KIF3B: variants seen among roughly 807,000 people sequenced by gnomAD.
The protein encoded by KIF3B is kinesin-like protein KIF3B.
KIF3B carries 38 observed loss-of-function variants against 74.3 expected under a neutral mutation model. That is an observed-to-expected ratio of 0.51 (90% confidence interval 0.39 to 0.67). The LOEUF (loss-of-function observed/expected upper bound fraction) is 0.67. Ranked by LOEUF, KIF3B falls within the 30% of genes least tolerant of loss-of-function variation. KIF3B has a pLI of 0.00. For missense variants in KIF3B, 649 were observed against 932.0 expected, an observed-to-expected ratio of 0.70 and a Z score of 3.95; for synonymous variants, 326 against 342.5, an observed-to-expected ratio of 0.95 and a Z score of 0.53.
chr20:32,330,116 G>A, intron 7 of KIF3B, 25 bp from the exon 8 acceptor site: 1 of 1,600,734 alleles, frequency 6.2e-7, no homozygotes, highest in Non-Finnish European at 8.5e-7. Flanking sequence ...GGCTAACCTA[G>A]CTGGTGATGG....
chr20:32,322,702 ATATATTTATATATATT>A (rs1277619100), intron 5 of KIF3B, among the ~76,000 whole-genome samples: 5 of 68,528 alleles, frequency 7.3e-5, no homozygotes, highest in Non-Finnish European at 1.2e-4. Flanking sequence ...ATATATATTT[ATATATTTATATATATT>A]TATATTTATT....
At chr20:32,329,341 C>CT (rs1364227448) in intron 7 of KIF3B, among the ~76,000 whole-genome samples, 1 of 141,904 alleles carries the variant, frequency 7.0e-6, no homozygotes, top group South Asian at 2.1e-4. Context: ...CCGCACTGGC[C>CT]TTTTTTTTCT....
At chr20:32,283,429 G>A (rs572318899) in intron 1 of KIF3B, among the ~76,000 whole-genome samples, 247 of 150,942 alleles carry the variant, frequency 1.6e-3, no homozygotes, top group Non-Finnish European at 3.0e-3. Context: ...GCTTGAACCC[G>A]GGAGGTGGTG....
Position 32,331,116 on chromosome 20 carries a change from G to A in KIF3B, c.2148-107G>A, listed in dbSNP as rs1228450864. On this transcript the variant is annotated intron_variant, in intron 8 of 8. Transcript: ENST00000375712. ...TAGTGGTTTTACAGTTGAACTTGTCGTTTTCAGGCCATTGAAGAATGGCCT... is the reference window on the plus strand; with the variant it reads ...TAGTGGTTTTACAGTTGAACTTGTCATTTTCAGGCCATTGAAGAATGGCCT... 17 of 831,698 alleles carry A rather than the reference G, an allele frequency of 2.0e-5. No homozygotes were observed. In the Middle Eastern group the frequency reaches 6.7e-4, roughly 33 times the overall value. 51.5% of individuals were successfully genotyped at this position (831,698 alleles called of 1,614,324 possible).
At chr20:32,319,257 G>A (rs1212685703) in intron 5 of KIF3B, among the ~76,000 whole-genome samples, 3 of 151,720 alleles carry the variant, frequency 2.0e-5, no homozygotes, top group Admixed American at 6.6e-5. Context: ...CACCATGCCC[G>A]GCCTCTCCAC....
At chr20:32,312,120 C>CTTTT (rs35069528) in intron 2 of KIF3B, among the ~76,000 whole-genome samples, 1 of 136,790 alleles carries the variant, frequency 7.3e-6, no homozygotes, top group African/African-American at 2.7e-5. Context: ...TTCTTTCTTT[C>CTTTT]TTTTTTTTTT....
intron 7 of KIF3B, 111 bp downstream of exon 7, chr20:32,327,772 G>T (rs761294544): frequency 7.4e-6 from 5 of 673,968 alleles, no homozygotes; most frequent in Non-Finnish European, 1.3e-5. Context: ...AGAGGTACTT[G>T]AAGACATTTA....
At chr20:32,282,271 C>T (rs115177664) in intron 1 of KIF3B, among the ~76,000 whole-genome samples, 192 of 151,816 alleles carry the variant, frequency 1.3e-3, no homozygotes, top group African/African-American at 4.5e-3. Flanking sequence ...AGCAGGATGG[C>T]GGGATGAGGG....
rs1033380046 is a variant in KIF3B at position 32,310,410 on chromosome 20, C to T, written c.633C>T (p.His211=). Residue 211 remains histidine, a synonymous_variant, in exon 2 of 9, where the codon CAC becomes CAT. Transcript: ENST00000375712. The surrounding 1 kb of genome is among the most constrained non-coding windows in gnomAD (Gnocchi z 6.5). The stretch of plus-strand genomic sequence containing the variant: ...TCGGTGCTACCAACATGAACGAGCA[C>T]AGCTCGCGTTCTCATGCAATTTTCG... ...RSVGATNMNE[H]SSRSHAIFVI... The T allele has an allele frequency of 1.9e-6, 3 of 1,614,074 alleles. No homozygotes were observed. The highest frequency in any genetic ancestry group is 1.6e-4 in the Middle Eastern group (1 of 6,084).
rs554617351 is a variant in KIF3B at position 32,311,162 on chromosome 20, T to C, written c.1385T>C (p.Met462Thr). ...CGGCGGGAGAAGGATGCTGCCGAGA[T>C]GCTGGGCGCCAAGATCAAGGTACCA... The part of the protein sequence containing the change: ...DLRREKDAAE[M>T]LGAKIKAMES... The change falls in exon 2 of 9, where the codon ATG becomes ACG. Residue 462 changes from methionine (M) to threonine (T), a missense_variant. Met to Thr is a moderately conservative substitution (Grantham distance 81, BLOSUM62 -1). Coordinates refer to ENST00000375712, the MANE Select transcript of KIF3B (RefSeq NM_004798.4). The C allele has an allele frequency of 2.5e-6, 4 of 1,610,300 alleles. No homozygotes were observed. The highest frequency in any genetic ancestry group is 3.4e-6 in the Non-Finnish European group (4 of 1,178,536).
intron 2 of KIF3B, among the ~76,000 whole-genome samples, chr20:32,315,097 C>T (rs1331325441): frequency 6.6e-6 from 1 of 152,210 alleles, no homozygotes; most frequent in Non-Finnish European, 1.5e-5. Flanking sequence ...GGCCTAGACC[C>T]CTGCAGTGGC....
At chr20:32,279,467 C>CTT (rs769199761) in intron 1 of KIF3B, among the ~76,000 whole-genome samples, 3 of 139,828 alleles carry the variant, frequency 2.1e-5, no homozygotes, top group Admixed American at 7.2e-5. Flanking sequence ...TAGTTGGAAT[C>CTT]TTTTTTTTTT....
intron 1 of KIF3B, among the ~76,000 whole-genome samples, chr20:32,288,351 G>T (rs943372999): frequency 6.6e-6 from 1 of 152,030 alleles, no homozygotes; most frequent in Non-Finnish European, 1.5e-5. Context: ...TTACCCGGGT[G>T]CAGTGGCTTG....
intron 1 of KIF3B, among the ~76,000 whole-genome samples, chr20:32,300,698 G>A (rs1163448987): frequency 1.3e-5 from 2 of 152,150 alleles, no homozygotes; most frequent in Admixed American, 6.6e-5. Flanking sequence ...ACAGGTGTGA[G>A]CCACTGCATC....
chr20:32,325,244 G>A (rs1169123270), intron 5 of KIF3B, among the ~76,000 whole-genome samples: 2 of 151,986 alleles, frequency 1.3e-5, no homozygotes, highest in African/African-American at 2.4e-5. Context: ...ATTGGAGTGC[G>A]GTGGCACGAT....
rs146055463 is a variant in KIF3B, at chr20:32,307,768, A to G, written c.-65-1945A>G. Among the ~76,000 whole-genome samples, 301 of 152,122 alleles carry G rather than the reference A, an allele frequency of 2.0e-3. 3 individuals are homozygous for G. Among genetic ancestry groups the G allele is most frequent in the African/African-American group, 6.9e-3 (285 of 41,488 alleles). The stretch of plus-strand genomic sequence containing the variant: ...CCCTATCTCTCCTAAAAACACAAAA[A>G]ATTAGCTGGGCATGGTGGCGGGCAC... On this transcript the variant is annotated intron_variant, in intron 1 of 8. Coordinates refer to ENST00000375712, the MANE Select transcript of KIF3B (RefSeq NM_004798.4).
intron 5 of KIF3B, among the ~76,000 whole-genome samples, chr20:32,318,154 T>C (rs2047837669): frequency 6.6e-6 from 1 of 151,788 alleles, no homozygotes; most frequent in African/African-American, 2.4e-5. Context: ...ATCCAAAAAT[T>C]AGCTGGGTGT....
At chr20:32,288,583 T>C (rs2047677728) in intron 1 of KIF3B, among the ~76,000 whole-genome samples, 1 of 151,918 alleles carries the variant, frequency 6.6e-6, no homozygotes, top group African/African-American at 2.4e-5. Context: ...TTTAGTCTTC[T>C]CTTTATCCAT....
chr20:32,301,550 T>A (rs2047744326), intron 1 of KIF3B, among the ~76,000 whole-genome samples: 1 of 151,666 alleles, frequency 6.6e-6, no homozygotes, highest in Admixed American at 6.6e-5. Context: ...CTAATTTTTG[T>A]ATTTTTAGTA....
Sources: allele counts gnomAD v4.1 joint callset (sites outside exome capture counted in the v4.1 genomes callset), GRCh38; gene constraint gnomAD v4.1.1; non-coding constraint Gnocchi (gnomAD v3.1); transcripts MANE v1.5; gene names NCBI Gene and HGNC (gene_info 2026-07-23, HGNC 2026-07-21).